Variants in ADK observed in about 807,000 individuals in gnomAD.
The protein encoded by ADK is adenosine kinase, also known as N6,N6-dimethyladenosine kinase.
In ADK, 24 loss-of-function variants were observed where a neutral mutation model predicts 44.7. The ratio of observed to expected loss-of-function variants is 0.54; its 90% CI spans 0.39 to 0.76. The LOEUF (loss-of-function observed/expected upper bound fraction) is 0.76. Ranked by LOEUF, ADK falls within the 30% of genes least tolerant of loss-of-function variation. The probability of loss-of-function intolerance (pLI) is 0.00; values close to 1 mark genes in which losing one functional copy is unlikely to be tolerated. For missense variants in ADK, 321 were observed against 425.1 expected (o/e 0.76, Z 2.15); for synonymous variants, 128 against 142.6 (o/e 0.90, Z 0.73).
chr10:74,671,603 T>C (rs1296545346), intron 10 of ADK, among the ~76,000 whole-genome samples: 1 of 152,214 alleles, frequency 6.6e-6, no homozygotes. Flanking sequence ...TTTTTACTTT[T>C]TAGAGCTATA....
chr10:74,436,339 G>A (rs952183730), intron 6 of ADK, among the ~76,000 whole-genome samples: 5 of 152,014 alleles, frequency 3.3e-5, no homozygotes, highest in African/African-American at 1.2e-4. Context: ...CCTGGGAGGC[G>A]GAGGTTGCAG....
At chr10:74,433,191 A>C (rs1447888627) in intron 6 of ADK, among the ~76,000 whole-genome samples, 3 of 152,230 alleles carry the variant, frequency 2.0e-5, no homozygotes, top group Non-Finnish European at 4.4e-5. Flanking sequence ...AATCTCATTC[A>C]TTAAGAAATT....
At chr10:74,595,713 G>GAAATTCA (rs1851896513) in intron 8 of ADK, among the ~76,000 whole-genome samples, 2 of 322 alleles carry the variant, frequency 6.2e-3, no homozygotes, top group African/African-American at 0.016. Flanking sequence ...TAGGCTATAT[G>GAAATTCA]GCCGGGTGTG....
Position 74,303,214 on chromosome 10 carries a change from T to C in ADK, c.195-11453T>C, listed in dbSNP as rs144803132. 4.7e-3 allele frequency among the ~76,000 whole-genome samples: 711 copies of C among 152,324 alleles called. 2 individuals are homozygous for C. Among genetic ancestry groups the C allele is most frequent in the Middle Eastern group, 0.02 (6 of 294 alleles). On this transcript the variant is annotated intron_variant, in intron 3 of 10. Transcript: ENST00000539909. The stretch of plus-strand genomic sequence containing the variant: ...GTTACAAAAGGATTATTGACACTTA[T>C]AGTTGTTAATATCTCAGTAAAAACA...
intron 4 of ADK, among the ~76,000 whole-genome samples, chr10:74,322,461 CA>C (rs1418862749): frequency 6.6e-6 from 1 of 152,134 alleles, no homozygotes; most frequent in Non-Finnish European, 1.5e-5. Flanking sequence ...GTTGACTGTT[CA>C]AATTGTGATA....
At chr10:74,636,589 T>C (rs1260749026) in intron 9 of ADK, among the ~76,000 whole-genome samples, 2 of 152,248 alleles carry the variant, frequency 1.3e-5, no homozygotes, top group African/African-American at 4.8e-5. Context: ...CTATGTTCTA[T>C]GTACTTGGTA....
At chr10:74,217,552 C>T (rs1012588716) in intron 2 of ADK, among the ~76,000 whole-genome samples, 9 of 152,152 alleles carry the variant, frequency 5.9e-5, no homozygotes, top group Non-Finnish European at 8.8e-5. Flanking sequence ...GATCTGAGAA[C>T]GGGCAGACTG....
chr10:74,609,183 G>C (rs1022712211), intron 9 of ADK, among the ~76,000 whole-genome samples: 1 of 152,158 alleles, frequency 6.6e-6, no homozygotes, highest in South Asian at 2.1e-4. Context: ...CTCCGTCGGG[G>C]CAGGATCCGC....
At chr10:74,475,318 C>T (rs540983658) in intron 6 of ADK, among the ~76,000 whole-genome samples, 17 of 152,170 alleles carry the variant, frequency 1.1e-4, no homozygotes, top group African/African-American at 3.6e-4. Context: ...TTGTGACAGA[C>T]CTGTCATCTT....
chr10:74,618,566 G>A (rs1278146397), intron 9 of ADK, among the ~76,000 whole-genome samples: 3 of 152,196 alleles, frequency 2.0e-5, no homozygotes, highest in Admixed American at 2.0e-4. Flanking sequence ...TGGGATTACA[G>A]GAGTGAGCCA....
chr10:74,343,455 C>T (rs777398354), intron 4 of ADK, among the ~76,000 whole-genome samples: 1 of 151,996 alleles, frequency 6.6e-6, no homozygotes, highest in Non-Finnish European at 1.5e-5. Context: ...TCATCATTGT[C>T]TTCATGTTGG....
intron 9 of ADK, among the ~76,000 whole-genome samples, chr10:74,627,060 A>G (rs1796415519): frequency 2.0e-5 from 3 of 152,224 alleles, no homozygotes; most frequent in Admixed American, 2.0e-4. Context: ...TCAAATAAAC[A>G]GTATTTTTGC....
intron 4 of ADK, among the ~76,000 whole-genome samples, chr10:74,334,366 A>G (rs1235253346): frequency 2.0e-5 from 3 of 152,184 alleles, no homozygotes; most frequent in Non-Finnish European, 4.4e-5. Context: ...TGCTTGCTAT[A>G]AAATTGGTGG....
chr10:74,416,710 C>T (rs184790785), intron 6 of ADK, among the ~76,000 whole-genome samples: 7 of 151,900 alleles, frequency 4.6e-5, no homozygotes, highest in Admixed American at 3.9e-4. Flanking sequence ...CCTAACTAAT[C>T]ATTTTTTGTA....
chr10:74,281,515 A>G (rs1846935489), intron 3 of ADK, among the ~76,000 whole-genome samples: 4 of 152,250 alleles, frequency 2.6e-5, no homozygotes, highest in Admixed American at 2.0e-4. Flanking sequence ...AAGTCATCAC[A>G]CTAAAGATGA....
intron 3 of ADK, among the ~76,000 whole-genome samples, chr10:74,303,083 G>A (rs1266713633): frequency 1.6e-5 from 2 of 126,394 alleles, no homozygotes; most frequent in Non-Finnish European, 3.8e-5. Flanking sequence ...TTTGTCCTAT[G>A]AGAGTTTACA....
chr10:74,322,541 T>A (rs1840850475), intron 4 of ADK, among the ~76,000 whole-genome samples: 1 of 152,310 alleles, frequency 6.6e-6, no homozygotes, highest in African/African-American at 2.4e-5. Flanking sequence ...CTCTTTCCTT[T>A]TCAAATTAGG....
chr10:74,619,531 A>G (rs1852905299), intron 9 of ADK, among the ~76,000 whole-genome samples: 1 of 151,886 alleles, frequency 6.6e-6, no homozygotes, highest in South Asian at 2.1e-4. Flanking sequence ...ATTATTTCTT[A>G]TTCATCCTAG....
intron 4 of ADK, among the ~76,000 whole-genome samples, chr10:74,338,125 A>ACAG (rs1841470332): frequency 6.6e-6 from 1 of 151,700 alleles, no homozygotes; most frequent in Admixed American, 6.6e-5. Context: ...AACAACAACA[A>ACAG]CAACAACAAC....
Sources: gnomAD v4.1 joint callset for allele counts (sites outside exome capture counted in the v4.1 genomes callset) on GRCh38, gnomAD v4.1.1 for gene constraint, MANE v1.5 for transcripts, NCBI Gene and HGNC (gene_info 2026-07-23, HGNC 2026-07-21) for gene names.